Variants in SPAG16 observed in about 807,000 individuals in gnomAD.
SPAG16 encodes sperm associated antigen 16.
Under a neutral mutation model 80.4 loss-of-function variants are expected in SPAG16, and 86 were observed. That is an observed-to-expected ratio of 1.07 (90% CI 0.90 to 1.28). The LOEUF (loss-of-function observed/expected upper bound fraction) is 1.28. SPAG16 is among the 50% of genes most tolerant of loss of function. The pLI, the probability that SPAG16 is intolerant of heterozygous loss-of-function variation, is 0.00. For missense variants in SPAG16, 870 were observed against 765.3 expected, an observed-to-expected ratio of 1.14 and a Z score of -1.61; for synonymous variants, 294 against 265.9, an observed-to-expected ratio of 1.11 and a Z score of -1.03.
chr2:213,686,889 T>G (rs961962759), intron 10 of SPAG16, among the ~76,000 whole-genome samples: 1 of 151,914 alleles, frequency 6.6e-6, no homozygotes, highest in Non-Finnish European at 1.5e-5. Context: ...TTCACTGTTT[T>G]AGCCAGGGTG....
At chr2:213,412,995 T>G (rs1037982452) in intron 9 of SPAG16, among the ~76,000 whole-genome samples, 2 of 152,212 alleles carry the variant, frequency 1.3e-5, no homozygotes, top group African/African-American at 4.8e-5. Flanking sequence ...ATACTATGTA[T>G]AATGTGAGGA....
At chr2:213,664,189 C>A (rs1048003755) in intron 10 of SPAG16, among the ~76,000 whole-genome samples, 4 of 152,020 alleles carry the variant, frequency 2.6e-5, no homozygotes, top group African/African-American at 9.7e-5. Flanking sequence ...CCGTTGGTAT[C>A]CACTTTATAG....
At chr2:213,634,944 A>G (rs980259630) in intron 10 of SPAG16, among the ~76,000 whole-genome samples, 7 of 151,644 alleles carry the variant, frequency 4.6e-5, no homozygotes, top group African/African-American at 1.7e-4. Context: ...ACTCATATAT[A>G]TATATATTCC....
chr2:214,276,196 G>A (rs113753876), intron 15 of SPAG16, among the ~76,000 whole-genome samples: 2,645 of 152,236 alleles, frequency 0.017, 49 homozygotes, highest in African/African-American at 0.04. Flanking sequence ...GTCTCTGCCC[G>A]TGAGATGGGT....
intron 10 of SPAG16, among the ~76,000 whole-genome samples, chr2:213,793,783 G>GGTCCA (rs1402788216): frequency 6.6e-6 from 1 of 152,044 alleles, no homozygotes; most frequent in African/African-American, 2.4e-5. Flanking sequence ...TTCGCTCTGT[G>GGTCCA]GTCCAGTTTG....
chr2:213,881,591 G>A (rs981060319), intron 11 of SPAG16, among the ~76,000 whole-genome samples: 7 of 152,146 alleles, frequency 4.6e-5, no homozygotes, highest in Non-Finnish European at 1.0e-4. Flanking sequence ...AGGTGAAGAG[G>A]GGAACAAGGC....
At chr2:214,229,247 G>A (rs1472306867) in intron 15 of SPAG16, among the ~76,000 whole-genome samples, 3 of 151,756 alleles carry the variant, frequency 2.0e-5, no homozygotes, top group Non-Finnish European at 4.4e-5. Context: ...GCTTCTTCTG[G>A]CTCTAAGATT....
intron 10 of SPAG16, among the ~76,000 whole-genome samples, chr2:213,786,966 A>G (rs2070381619): frequency 6.6e-6 from 1 of 152,164 alleles, no homozygotes; most frequent in Non-Finnish European, 1.5e-5. Context: ...ATGGAAACAA[A>G]TGAAGGTTAT....
chr2:213,919,659 G>A (rs2078120874), intron 11 of SPAG16, among the ~76,000 whole-genome samples: 1 of 152,192 alleles, frequency 6.6e-6, no homozygotes, highest in Non-Finnish European at 1.5e-5. Flanking sequence ...CAAGAGAGTA[G>A]TTGATATGAT....
chr2:213,811,317 T>C (rs184699006), intron 10 of SPAG16, among the ~76,000 whole-genome samples: 2 of 152,278 alleles, frequency 1.3e-5, no homozygotes, highest in East Asian at 3.9e-4. Context: ...ATGAACATAC[T>C]ACAGTAATCG....
At chr2:213,301,899 T>C (rs112868467) in intron 3 of SPAG16, among the ~76,000 whole-genome samples, 5 of 152,312 alleles carry the variant, frequency 3.3e-5, no homozygotes, top group African/African-American at 1.2e-4. Context: ...TTATCTTTCT[T>C]TATCTGTTGT....
At chr2:213,916,310 C>T (rs563644798) in intron 11 of SPAG16, among the ~76,000 whole-genome samples, 1 of 152,172 alleles carries the variant, frequency 6.6e-6, no homozygotes, top group Non-Finnish European at 1.5e-5. Flanking sequence ...AGGAAGGGAT[C>T]CAGTTTCACT....
chr2:213,881,341 T>G (rs1443334460), intron 11 of SPAG16, among the ~76,000 whole-genome samples: 2 of 152,230 alleles, frequency 1.3e-5, no homozygotes. Context: ...TAAAGTTGTT[T>G]TATCTATCAG....
At chr2:213,895,631 T>A (rs1038397982) in intron 11 of SPAG16, among the ~76,000 whole-genome samples, 3 of 152,128 alleles carry the variant, frequency 2.0e-5, no homozygotes, top group African/African-American at 7.2e-5. Context: ...CATCTTTGGC[T>A]AAGGTGCTAA....
intron 9 of SPAG16, among the ~76,000 whole-genome samples, chr2:213,418,322 T>G (rs748635571): frequency 6.6e-6 from 1 of 152,214 alleles, no homozygotes; most frequent in Non-Finnish European, 1.5e-5. Context: ...CACATTACTA[T>G]AACAAGAGCA....
intron 10 of SPAG16, among the ~76,000 whole-genome samples, chr2:213,721,178 C>T (rs1334013581): frequency 1.3e-5 from 2 of 152,156 alleles, no homozygotes; most frequent in African/African-American, 4.8e-5. Context: ...CGGCTCACTG[C>T]AACCTGTGCT....
At chr2:214,196,565 C>A (rs185100167) in intron 15 of SPAG16, among the ~76,000 whole-genome samples, 1,723 of 152,046 alleles carry the variant, frequency 0.011, 14 homozygotes, top group Admixed American at 0.017. Flanking sequence ...CTGAAATATA[C>A]ACTACAAACC....
intron 10 of SPAG16, among the ~76,000 whole-genome samples, chr2:213,636,556 A>G (rs916304874): frequency 6.6e-6 from 1 of 152,100 alleles, no homozygotes; most frequent in African/African-American, 2.4e-5. Flanking sequence ...GTATGGTCAT[A>G]TTTACAATAT....
At chr2:213,421,512 C>G (rs553055393) in intron 9 of SPAG16, among the ~76,000 whole-genome samples, 11 of 152,198 alleles carry the variant, frequency 7.2e-5, no homozygotes, top group Non-Finnish European at 1.6e-4. Flanking sequence ...ATGTGGGTCC[C>G]TGGTGAAGCC....
Sources: allele counts gnomAD v4.1 joint callset (sites outside exome capture counted in the v4.1 genomes callset), GRCh38; gene constraint gnomAD v4.1.1; transcripts MANE v1.5; gene names NCBI Gene and HGNC (gene_info 2026-07-23, HGNC 2026-07-21).